Variants in SPRED2 observed in about 807,000 individuals in gnomAD.
SPRED2 encodes sprouty related EVH1 domain containing 2.
SPRED2 carries 47 observed loss-of-function variants against 43.0 expected under a neutral mutation model. The observed-to-expected ratio is 1.09, with a 90% CI of 0.87 to 1.40. The LOEUF (loss-of-function observed/expected upper bound fraction) is 1.40, where lower values mean the gene tolerates loss of function less well. SPRED2 is among the 40% of genes most tolerant of loss of function. The probability of loss-of-function intolerance (pLI) is 0.00; values close to 1 mark genes in which losing one functional copy is unlikely to be tolerated. For synonymous variants in SPRED2, 225 were observed against 225.7 expected, an observed-to-expected ratio of 1.00 and a Z score of 0.03; for missense variants, 561 against 586.4, an observed-to-expected ratio of 0.96 and a Z score of 0.45.
chr2:65,366,833 T>G (rs1674993706), intron 1 of SPRED2: 1 of 1,202,100 alleles, frequency 8.3e-7, no homozygotes, highest in Admixed American at 4.2e-5. Flanking sequence ...ATTACTCACA[T>G]TCAACATCCT....
chr2:65,352,324 A>G (rs1286967081), intron 1 of SPRED2, among the ~76,000 whole-genome samples: 3 of 152,264 alleles, frequency 2.0e-5, no homozygotes, highest in Non-Finnish European at 4.4e-5. Context: ...ACAGAAGGTG[A>G]AAAGTGGGCT....
Position 65,320,903 on chromosome 2 carries a change from G to A in SPRED2, c.439-4020C>T, listed in dbSNP as rs187027683. Among the ~76,000 whole-genome samples the A allele has an allele frequency of 3.9e-5, 6 of 152,302 alleles. No homozygotes were observed. The East Asian group carries it at 1.2e-3, about 29-fold the overall frequency. ...GGCTGCAGAAAAGCAGCCCACCTGAGGTATGCACATACCTAATACACAAGC... is the reference window on the plus strand; with the variant it reads ...GGCTGCAGAAAAGCAGCCCACCTGAAGTATGCACATACCTAATACACAAGC... On this transcript the variant is annotated intron_variant, in intron 4 of 5. Transcript: ENST00000356388.
Position 65,311,904 on chromosome 2 carries a change from T to C in SPRED2, c.*1597A>G, listed in dbSNP as rs1375356703. The C allele has an allele frequency of 3.5e-5, 34 of 985,250 alleles. No individual in the cohort carries two copies. The highest frequency in any genetic ancestry group is 3.9e-5 in the Non-Finnish European group (32 of 829,934). The allele number at this position is 985,250 out of a possible 1,614,324, so 61.0% of individuals were successfully genotyped here. A position where few individuals can be genotyped will look rare whatever the true frequency, so the allele number is the denominator to read the frequency against. On this transcript the variant is annotated 3_prime_UTR_variant, in exon 6 of 6. Transcript: ENST00000356388. ...AAGTCCCTTTCCTTGAAGACTGGTGTCCTGTGTGCAATAAAGAAGGAGTGG... is the reference window on the plus strand; with the variant it reads ...AAGTCCCTTTCCTTGAAGACTGGTGCCCTGTGTGCAATAAAGAAGGAGTGG...
At chr2:65,389,137 G>A (rs938371769) in intron 1 of SPRED2, among the ~76,000 whole-genome samples, 14 of 152,206 alleles carry the variant, frequency 9.2e-5, no homozygotes, top group African/African-American at 2.2e-4. Context: ...GTGCCAGTGT[G>A]AGGAATCCAT....
chr2:65,417,555 C>T (rs558304254), intron 1 of SPRED2, among the ~76,000 whole-genome samples: 4 of 152,340 alleles, frequency 2.6e-5, no homozygotes, highest in Non-Finnish European at 4.4e-5. Context: ...TCAACATCTA[C>T]CTGGGCCACC....
chr2:65,370,765 T>C (rs1675103889), intron 1 of SPRED2, among the ~76,000 whole-genome samples: 1 of 152,194 alleles, frequency 6.6e-6, no homozygotes, highest in East Asian at 1.9e-4. Flanking sequence ...TGAGGTTGCC[T>C]GTTGGTCTTT....
At chr2:65,405,427 A>G (rs1414280135) in intron 1 of SPRED2, among the ~76,000 whole-genome samples, 3 of 152,148 alleles carry the variant, frequency 2.0e-5, no homozygotes, top group Non-Finnish European at 4.4e-5. Flanking sequence ...TCTTGCTTGG[A>G]TCTTATTTTA....
chr2:65,395,571 C>G (rs1675740534), intron 1 of SPRED2, among the ~76,000 whole-genome samples: 1 of 152,182 alleles, frequency 6.6e-6, no homozygotes, highest in Non-Finnish European at 1.5e-5. Context: ...ACCTCTGCCT[C>G]TGACCTCAAT....
downstream of SPRED2, among the ~76,000 whole-genome samples, chr2:65,310,143 T>C (rs896853460): frequency 6.6e-6 from 1 of 152,156 alleles, no homozygotes; most frequent in Non-Finnish European, 1.5e-5. Context: ...CATCTCTCCA[T>C]GCTTCTCACC....
intron 1 of SPRED2, among the ~76,000 whole-genome samples, chr2:65,369,198 C>T (rs370112417): frequency 8.5e-5 from 13 of 152,226 alleles, no homozygotes; most frequent in African/African-American, 3.1e-4. Flanking sequence ...TGGGAAATGC[C>T]TCTGGGTTTG....
intron 5 of SPRED2, among the ~76,000 whole-genome samples, chr2:65,314,405 G>A (rs1161649878): frequency 6.6e-6 from 1 of 152,134 alleles, no homozygotes; most frequent in Non-Finnish European, 1.5e-5. Flanking sequence ...AATCAATTTC[G>A]TGGGTTGAGA....
chr2:65,365,430 C>T (rs968550597), intron 1 of SPRED2, among the ~76,000 whole-genome samples: 3 of 152,178 alleles, frequency 2.0e-5, no homozygotes, highest in African/African-American at 7.2e-5. Flanking sequence ...TTACTGACAG[C>T]TTAAAATTCA....
intron 1 of SPRED2, among the ~76,000 whole-genome samples, chr2:65,425,363 A>G (rs1676532625): frequency 6.6e-6 from 1 of 152,234 alleles, no homozygotes; most frequent in South Asian, 2.1e-4. Flanking sequence ...CTTTACCTTT[A>G]CCCTCTAAGT....
At chr2:65,363,106 G>A (rs1421839917) in intron 1 of SPRED2, among the ~76,000 whole-genome samples, 2 of 147,660 alleles carry the variant, frequency 1.4e-5, no homozygotes, top group Non-Finnish European at 3.0e-5. Context: ...TGGGTGTGGT[G>A]GCACATGCCT....
At chr2:65,332,453 G>C (rs1206623046) in intron 3 of SPRED2, among the ~76,000 whole-genome samples, 4 of 152,212 alleles carry the variant, frequency 2.6e-5, no homozygotes, top group African/African-American at 9.6e-5. Flanking sequence ...ACCCCTAAGT[G>C]AGACCTGCCA....
intron 1 of SPRED2, among the ~76,000 whole-genome samples, chr2:65,360,089 C>CAAAAAAAAAAAAAAAAAAAAAAAAA (rs1294319058): frequency 2.3e-5 from 1 of 43,158 alleles, no homozygotes; most frequent in Non-Finnish European, 6.2e-5. Context: ...CAAAAAAAAA[C>CAAAAAAAAAAAAAAAAAAAAAAAAA]AAAAAAAAAA....
At position 65,348,733 on chromosome 2, in the gene SPRED2, G is replaced by A. The variant is rs183038293; in HGVS notation, c.27-3837C>T. On this transcript the variant is annotated intron_variant, in intron 1 of 5. Coordinates refer to ENST00000356388, the MANE Select transcript of SPRED2 (RefSeq NM_181784.3). ...GCAGGAGAATAGCTTGAACCCCAGAGGCAGAGCTGAGATCGCGCCACTGCA... is the reference window on the plus strand; with the variant it reads ...GCAGGAGAATAGCTTGAACCCCAGAAGCAGAGCTGAGATCGCGCCACTGCA... 2.0e-5 allele frequency among the ~76,000 whole-genome samples: 3 copies of A among 151,368 alleles called. No individual in the cohort carries two copies. The East Asian group carries it at 5.8e-4, about 29-fold the overall frequency.
intron 1 of SPRED2, among the ~76,000 whole-genome samples, chr2:65,370,864 C>T (rs1410953370): frequency 6.6e-6 from 1 of 152,180 alleles, no homozygotes; most frequent in Admixed American, 6.5e-5. Flanking sequence ...TATGAGTCCA[C>T]AGCCATCCTC....
Position 65,312,936 on chromosome 2 carries a change from A to G in SPRED2, c.*565T>C. On this transcript the variant is annotated 3_prime_UTR_variant, in exon 6 of 6. Transcript: ENST00000356388. ...TAAAGCGATATTGTTTTGTGGTACA[A>G]GTTTGTTAACTAGCTCACCTCCTAT... 1.0e-6 allele frequency: 1 copy of G among 985,842 alleles called. No individual in the cohort carries two copies. Among genetic ancestry groups the G allele is most frequent in the Non-Finnish European group, 1.2e-6 (1 of 829,984 alleles). The allele number at this position is 985,842 out of a possible 1,614,324, so 61.1% of individuals were successfully genotyped here.
Sources: gnomAD v4.1 joint callset for allele counts (sites outside exome capture counted in the v4.1 genomes callset) on GRCh38, gnomAD v4.1.1 for gene constraint, MANE v1.5 for transcripts, NCBI Gene and HGNC (gene_info 2026-07-23, HGNC 2026-07-21) for gene names.